Variants in MSRA observed in about 807,000 individuals in gnomAD.
MSRA encodes methionine sulfoxide reductase A, also known as mitochondrial peptide methionine sulfoxide reductase.
A neutral mutation model predicts 31.3 loss-of-function variants in MSRA; 54 were observed. The ratio of observed to expected loss-of-function variants is 1.73; its 90% CI spans 1.39 to 2.17. MSRA has a LOEUF of 2.17. MSRA is among the 30% of genes most tolerant of loss of function. The pLI is 0.00. For synonymous variants in MSRA, 169 were observed against 116.5 expected (o/e 1.45, Z -2.90); for missense variants, 507 against 300.9 (o/e 1.69, Z -5.07).
intron 1 of MSRA, among the ~76,000 whole-genome samples, chr8:10,084,867 G>A (rs1345944570): frequency 2.0e-5 from 3 of 149,652 alleles, no homozygotes; most frequent in Admixed American, 6.7e-5. Context: ...AATAAGTCTC[G>A]AGTTTAGAGG....
chr8:10,154,370 TTTTC>T (rs1803970211), intron 1 of MSRA, among the ~76,000 whole-genome samples: 1 of 151,996 alleles, frequency 6.6e-6, no homozygotes, highest in African/African-American at 2.4e-5. Flanking sequence ...GTGGTTTTTT[TTTTC>T]TTTTCTTTCT....
At chr8:10,113,296 T>TTTTTTTTG (rs1800432334) in intron 1 of MSRA, among the ~76,000 whole-genome samples, 1 of 104,292 alleles carries the variant, frequency 9.6e-6, no homozygotes, top group African/African-American at 5.0e-5. Context: ...GGTCTTCTTT[T>TTTTTTTTG]TTTTTTTTTT....
Position 10,055,220 on chromosome 8 carries a change from A to C in MSRA, c.142+562A>C, listed in dbSNP as rs569296565. 1.1e-4 allele frequency among the ~76,000 whole-genome samples: 17 copies of C among 152,308 alleles called. No individual in the cohort carries two copies. In the East Asian group the frequency reaches 3.3e-3, roughly 29 times the overall value. Reference sequence around the variant, plus strand: ...GCCCTAGGTCGGCCCCGCTGTCCCCAGGGGCAGGGGCTGCCGTATGCTGGG... The same window carrying C: ...GCCCTAGGTCGGCCCCGCTGTCCCCCGGGGCAGGGGCTGCCGTATGCTGGG... On this transcript the variant is annotated intron_variant, in intron 1 of 5. Transcript: ENST00000317173.
chr8:10,128,240 G>C (rs998309546), intron 1 of MSRA, among the ~76,000 whole-genome samples: 2 of 152,060 alleles, frequency 1.3e-5, no homozygotes, highest in Admixed American at 6.6e-5. Flanking sequence ...TTAGCCAGGC[G>C]TGGTGGTGGA....
chr8:10,060,192 A>T (rs1399209018), intron 1 of MSRA, among the ~76,000 whole-genome samples: 3 of 152,192 alleles, frequency 2.0e-5, no homozygotes, highest in African/African-American at 4.8e-5. Context: ...TTGCAATAGC[A>T]CAAGACTGGA....
At chr8:10,389,966 T>G (rs1278794336) in intron 5 of MSRA, among the ~76,000 whole-genome samples, 2 of 152,112 alleles carry the variant, frequency 1.3e-5, no homozygotes, top group African/African-American at 4.8e-5. Flanking sequence ...GCCCACTCCC[T>G]GCATGGCTCA....
At chr8:10,237,218 T>C (rs1812021105) in intron 2 of MSRA, among the ~76,000 whole-genome samples, 2 of 152,240 alleles carry the variant, frequency 1.3e-5, no homozygotes, top group Non-Finnish European at 2.9e-5. Context: ...GGCATTTGTA[T>C]TATAAAAACT....
At chr8:10,086,352 T>C (rs1798557938) in intron 1 of MSRA, among the ~76,000 whole-genome samples, 1 of 152,234 alleles carries the variant, frequency 6.6e-6, no homozygotes, top group Admixed American at 6.5e-5. Flanking sequence ...AAGTCAAGAA[T>C]TCTGGTTTGG....
chr8:10,123,748 T>C (rs1246187821), intron 1 of MSRA, among the ~76,000 whole-genome samples: 2 of 152,182 alleles, frequency 1.3e-5, no homozygotes, highest in African/African-American at 2.4e-5. Context: ...ATTTATGGAA[T>C]AGGGAGTCCT....
chr8:10,392,339 G>C (rs1435086421), intron 5 of MSRA, among the ~76,000 whole-genome samples: 1 of 152,186 alleles, frequency 6.6e-6, no homozygotes, highest in Non-Finnish European at 1.5e-5. Context: ...GCTAGAAGGA[G>C]TCATAGAGGC....
In MSRA at chr8:10,054,414, G is replaced by A; in HGVS notation, c.-103G>A. 1 of 229,080 alleles carries A rather than the reference G, an allele frequency of 4.4e-6. No homozygotes were observed. Among genetic ancestry groups the A allele is most frequent in the Non-Finnish European group, 6.9e-6 (1 of 144,498 alleles). 14.2% of individuals were successfully genotyped at this position (229,080 alleles called of 1,614,324 possible). A position where few individuals can be genotyped will look rare whatever the true frequency, so the allele number is the denominator to read the frequency against. On this transcript the variant is annotated 5_prime_UTR_variant, in exon 1 of 6. Transcript: ENST00000317173. ...GCGCCCGCCCGCCCGCGCCCCTGCC[G>A]CCCCCCGGTTCCGGCCGCGGACCCC...
chr8:10,157,913 C>CA (rs1804292744), intron 1 of MSRA, among the ~76,000 whole-genome samples: 1 of 152,064 alleles, frequency 6.6e-6, no homozygotes, highest in Non-Finnish European at 1.5e-5. Flanking sequence ...GTGTACAGTT[C>CA]AATGGTGTCT....
intron 1 of MSRA, among the ~76,000 whole-genome samples, chr8:10,189,851 A>T (rs1807360719): frequency 6.6e-6 from 1 of 152,072 alleles, no homozygotes; most frequent in Non-Finnish European, 1.5e-5. Context: ...GAGCTGGGAA[A>T]GGTTCCCCCT....
At chr8:10,071,077 C>G (rs532479346) in intron 1 of MSRA, among the ~76,000 whole-genome samples, 1 of 152,304 alleles carries the variant, frequency 6.6e-6, no homozygotes, top group East Asian at 1.9e-4. Context: ...TAAGAAACTG[C>G]CAAACTGTTT....
chr8:10,066,773 G>A (rs1797474060), intron 1 of MSRA, among the ~76,000 whole-genome samples: 1 of 152,104 alleles, frequency 6.6e-6, no homozygotes, highest in African/African-American at 2.4e-5. Flanking sequence ...GACCTCAGGT[G>A]ATCCGCCTAC....
intron 3 of MSRA, among the ~76,000 whole-genome samples, chr8:10,266,909 A>T (rs1040028150): frequency 1.1e-4 from 17 of 152,198 alleles, no homozygotes; most frequent in African/African-American, 4.1e-4. Flanking sequence ...ACATCACTCA[A>T]TAAACCCCTA....
At chr8:10,103,368 T>C (rs926005726) in intron 1 of MSRA, among the ~76,000 whole-genome samples, 9 of 152,314 alleles carry the variant, frequency 5.9e-5, no homozygotes, top group East Asian at 3.9e-4. Flanking sequence ...TGGAATAATA[T>C]ATTGTCAGGG....
chr8:10,274,398 A>G (rs1799210301), intron 3 of MSRA, among the ~76,000 whole-genome samples: 1 of 152,138 alleles, frequency 6.6e-6, no homozygotes, highest in Admixed American at 6.5e-5. Context: ...GCATCCCATG[A>G]GGGTTTTGGA....
At chr8:10,154,798 A>G (rs1279503971) in intron 1 of MSRA, among the ~76,000 whole-genome samples, 1 of 152,130 alleles carries the variant, frequency 6.6e-6, no homozygotes. Context: ...CATTTAAAGA[A>G]AATCACATGT....
Sources: allele counts gnomAD v4.1 joint callset (sites outside exome capture counted in the v4.1 genomes callset), GRCh38; gene constraint gnomAD v4.1.1; transcripts MANE v1.5; gene names NCBI Gene and HGNC (gene_info 2026-07-23, HGNC 2026-07-21).